The following LHFPL3 variants were observed in gnomAD, a reference collection of about 807,000 sequenced individuals.
LHFPL3 encodes LHFPL tetraspan subfamily member 3.
A neutral mutation model predicts 19.3 loss-of-function variants in LHFPL3; 5 were observed. The observed-to-expected ratio is 0.26, with a 90% CI of 0.14 to 0.54. The LOEUF is 0.54. Ranked by LOEUF, LHFPL3 falls within the 20% of genes least tolerant of loss-of-function variation. LHFPL3 has a pLI of 0.94. For missense variants in LHFPL3, 249 were observed against 307.4 expected, an observed-to-expected ratio of 0.81 and a Z score of 1.42; for synonymous variants, 133 against 126.2, an observed-to-expected ratio of 1.05 and a Z score of -0.36.
intron 1 of LHFPL3, among the ~76,000 whole-genome samples, chr7:104,379,510 T>C (rs1790782569): frequency 6.6e-6 from 1 of 152,216 alleles, no homozygotes; most frequent in Admixed American, 6.5e-5. Flanking sequence ...AAGTAGTGTC[T>C]GAAATAATAA....
intron 1 of LHFPL3, among the ~76,000 whole-genome samples, chr7:104,551,898 T>C (rs1249890644): frequency 1.3e-5 from 2 of 152,182 alleles, no homozygotes; most frequent in Non-Finnish European, 2.9e-5. Flanking sequence ...TCTGGTCATT[T>C]ACTTGTTTCA....
intron 2 of LHFPL3, among the ~76,000 whole-genome samples, chr7:104,812,327 T>C (rs1790485303): frequency 6.6e-6 from 1 of 152,112 alleles, no homozygotes; most frequent in Non-Finnish European, 1.5e-5. Context: ...GAATAAATTG[T>C]GGAATAGTCA....
intron 1 of LHFPL3, among the ~76,000 whole-genome samples, chr7:104,429,389 C>A (rs191121367): frequency 6.9e-6 from 1 of 144,214 alleles, no homozygotes; most frequent in Admixed American, 7.3e-5. Flanking sequence ...CTCACTGCAA[C>A]CTCCTCCTTC....
intron 1 of LHFPL3, among the ~76,000 whole-genome samples, chr7:104,420,925 T>A (rs943089185): frequency 2.6e-5 from 4 of 151,968 alleles, no homozygotes; most frequent in Non-Finnish European, 5.9e-5. Flanking sequence ...GAAGAGTAAG[T>A]ATGTGGGAAA....
At chr7:104,573,538 AG>A (rs2115996343) in intron 1 of LHFPL3, among the ~76,000 whole-genome samples, 1 of 152,340 alleles carries the variant, frequency 6.6e-6, no homozygotes, top group East Asian at 1.9e-4. Context: ...AATACCAACT[AG>A]TGTGAGATCA....
chr7:104,481,724 T>C (rs1000391054), intron 1 of LHFPL3, among the ~76,000 whole-genome samples: 1 of 151,980 alleles, frequency 6.6e-6, no homozygotes, highest in Non-Finnish European at 1.5e-5. Context: ...GTCAAAAGGG[T>C]ATTTTATTTT....
chr7:104,562,476 G>A (rs200693679), intron 1 of LHFPL3, among the ~76,000 whole-genome samples: 2,570 of 152,090 alleles, frequency 0.017, 52 homozygotes, highest in East Asian at 0.12. Flanking sequence ...TGATCGCATC[G>A]GCTCCTGAGG....
rs141440346 is a variant in LHFPL3 at position 104,870,538 on chromosome 7, A to T, written c.683-35649A>T. Among the ~76,000 whole-genome samples, 372 of 152,366 alleles carry T rather than the reference A, an allele frequency of 2.4e-3. 4 individuals are homozygous for T. The highest frequency in any genetic ancestry group is 8.5e-3 in the African/African-American group (353 of 41,580). On this transcript the variant is annotated intron_variant, in intron 2 of 2. Coordinates refer to ENST00000424859, the MANE Select transcript of LHFPL3 (RefSeq NM_199000.3). ...GAAATAAATGGCCACTGCTAATTTC[A>T]TCATGAGCAGGGTCTTAAGTCCAAG...
intron 2 of LHFPL3, among the ~76,000 whole-genome samples, chr7:104,872,747 C>G (rs189780891): frequency 6.6e-6 from 1 of 152,138 alleles, no homozygotes; most frequent in Non-Finnish European, 1.5e-5. Context: ...CAATAACACA[C>G]GGAGCTGTCA....
rs533039665 is a variant in LHFPL3 at position 104,343,630 on chromosome 7, A to G, written c.445+14406A>G. 2.7e-4 allele frequency among the ~76,000 whole-genome samples: 40 copies of G among 150,810 alleles called. No individual in the cohort carries two copies. In the South Asian group the frequency reaches 7.1e-3, roughly 27 times the overall value. On this transcript the variant is annotated intron_variant, in intron 1 of 2. Coordinates refer to ENST00000424859, the MANE Select transcript of LHFPL3 (RefSeq NM_199000.3). ...GTTATAAATGTTATTTAGCCTAGCC[A>G]TCACTTTGATTTTGTCTAACACTTG...
Position 104,878,844 on chromosome 7 carries a change from A to G in LHFPL3, c.683-27343A>G, listed in dbSNP as rs190572588. 3.9e-3 allele frequency among the ~76,000 whole-genome samples: 593 copies of G among 152,318 alleles called. 6 individuals are homozygous for G. Among genetic ancestry groups the G allele is most frequent in the African/African-American group, 0.014 (578 of 41,568 alleles). On this transcript the variant is annotated intron_variant, in intron 2 of 2. Coordinates refer to ENST00000424859, the MANE Select transcript of LHFPL3 (RefSeq NM_199000.3). The stretch of plus-strand genomic sequence containing the variant: ...ACTCCAGTGAACGAACACACAAATG[A>G]TAAGAAAGTGAAACAGCCTTTAAGG...
At chr7:104,537,014 C>T (rs958186360) in intron 1 of LHFPL3, among the ~76,000 whole-genome samples, 28 of 152,306 alleles carry the variant, frequency 1.8e-4, no homozygotes, top group African/African-American at 6.5e-4. Context: ...GCAGAAGATG[C>T]TTCTGTCACT....
intron 1 of LHFPL3, among the ~76,000 whole-genome samples, chr7:104,685,343 T>C (rs962320725): frequency 6.6e-6 from 1 of 152,070 alleles, no homozygotes; most frequent in African/African-American, 2.4e-5. Context: ...AAGATTCTGC[T>C]CAAGAGAAAA....
At chr7:104,759,327 C>T (rs1794336170) in intron 2 of LHFPL3, among the ~76,000 whole-genome samples, 1 of 151,952 alleles carries the variant, frequency 6.6e-6, no homozygotes, top group Admixed American at 6.5e-5. Flanking sequence ...CTCTGTGAGC[C>T]ACATATGTGC....
At chr7:104,466,581 A>C (rs1443126680) in intron 1 of LHFPL3, among the ~76,000 whole-genome samples, 1 of 152,120 alleles carries the variant, frequency 6.6e-6, no homozygotes. Flanking sequence ...TTCATTCCCT[A>C]TATTGTTGTC....
intron 1 of LHFPL3, among the ~76,000 whole-genome samples, chr7:104,646,268 T>C (rs990874026): frequency 2.0e-5 from 3 of 152,234 alleles, no homozygotes. Context: ...TTGACAAACA[T>C]GCATTTTAAA....
At chr7:104,477,164 A>AT (rs919709663) in intron 1 of LHFPL3, among the ~76,000 whole-genome samples, 1 of 151,640 alleles carries the variant, frequency 6.6e-6, no homozygotes, top group Non-Finnish European at 1.5e-5. Context: ...TATATTTTTA[A>AT]TTTTTTTGTA....
intron 1 of LHFPL3, among the ~76,000 whole-genome samples, chr7:104,701,991 G>A (rs1330512327): frequency 6.6e-6 from 1 of 152,128 alleles, no homozygotes; most frequent in African/African-American, 2.4e-5. Flanking sequence ...TAATGCTAAT[G>A]CTATTGGCAT....
intron 1 of LHFPL3, among the ~76,000 whole-genome samples, chr7:104,430,441 T>TAC (rs1751595423): frequency 1.9e-4 from 3 of 15,776 alleles, no homozygotes; most frequent in Admixed American, 9.1e-4. Flanking sequence ...TATATATATA[T>TAC]ATATATATAT....
Sources: allele counts gnomAD v4.1 joint callset (sites outside exome capture counted in the v4.1 genomes callset), GRCh38; gene constraint gnomAD v4.1.1; transcripts MANE v1.5; gene names NCBI Gene and HGNC (gene_info 2026-07-23, HGNC 2026-07-21).